Variants in LTBP3 observed in about 807,000 individuals in gnomAD.
LTBP3 encodes the protein latent-transforming growth factor beta-binding protein 3.
A neutral mutation model predicts 159.7 loss-of-function variants in LTBP3; 97 were observed. The ratio of observed to expected loss-of-function variants is 0.61; its 90% CI spans 0.52 to 0.72. The LOEUF is 0.72. Among genes scored for constraint, LTBP3 ranks in the 30% least tolerant of loss-of-function variants. LTBP3 has a pLI of 0.00. For synonymous variants in LTBP3, 824 were observed against 777.1 expected, an observed-to-expected ratio of 1.06 and a Z score of -1.00; for missense variants, 1,584 against 1,864.3, an observed-to-expected ratio of 0.85 and a Z score of 2.77.
intron 1 of LTBP3, among the ~76,000 whole-genome samples, chr11:65,556,689 C>G (rs1856823526): frequency 6.6e-6 from 1 of 152,226 alleles, no homozygotes; most frequent in African/African-American, 2.4e-5. Flanking sequence ...CGCACGCACA[C>G]CCCATCTCAT....
rs747051048 is a variant in LTBP3 at position 65,552,196 on chromosome 11, T to A, written c.1346-39A>T. ...AGCAGACACAAAAGTGAGCATTTCCTGGACAGGTGCATGGACCTATGAACC... is the reference window on the plus strand; with the variant it reads ...AGCAGACACAAAAGTGAGCATTTCCAGGACAGGTGCATGGACCTATGAACC... On this transcript the variant is annotated intron_variant, in intron 7 of 27. Coordinates refer to ENST00000301873, the MANE Select transcript of LTBP3 (RefSeq NM_001130144.3). The surrounding 1 kb of genome is among the most constrained non-coding windows in gnomAD (Gnocchi z 6.0). The A allele has an allele frequency of 1.9e-6, 3 of 1,614,174 alleles. No homozygotes were observed. In the South Asian group the frequency reaches 3.3e-5, roughly 18 times the overall value.
In LTBP3 at chr11:65,553,668, G is replaced by A. The variant is rs2135157901; in HGVS notation, c.864+33C>T. 1 of 1,556,176 alleles carries A rather than the reference G, an allele frequency of 6.4e-7. No homozygotes were observed. Among genetic ancestry groups the A allele is most frequent in the South Asian group, 1.2e-5 (1 of 85,996 alleles). The stretch of plus-strand genomic sequence containing the variant: ...TTGGGGCAGAGCAACCCTGAGAGAA[G>A]GAAAGGCAGATCCCGACTGTGGATT... On this transcript the variant is annotated intron_variant, in intron 3 of 27. Coordinates refer to ENST00000301873, the MANE Select transcript of LTBP3 (RefSeq NM_001130144.3). The surrounding 1 kb of genome is among the most constrained non-coding windows in gnomAD (Gnocchi z 6.5).
rs1311325907 is a variant in LTBP3, at chr11:65,547,833, G to C, written c.1847-12C>G. On this transcript the variant is annotated splice_polypyrimidine_tract_variant and intron_variant, in intron 12 of 27. Transcript: ENST00000301873. This position sits in a 1 kb window ranked among gnomAD's most constrained non-coding sequence, Gnocchi z 4.6. The stretch of plus-strand genomic sequence containing the variant: ...GCACTCGTTCACATCTGAGAAGAAC[G>C]GGTAGGCCAAGAAAAGTCAAAGGAA... 6.2e-6 allele frequency: 10 copies of C among 1,613,154 alleles called. No homozygotes were observed. Among genetic ancestry groups the C allele is most frequent in the Middle Eastern group, 1.6e-4 (1 of 6,084 alleles).
In LTBP3 at chr11:65,547,964, C is replaced by T. The variant is rs757530025; in HGVS notation, c.1802G>A (p.Cys601Tyr). 1 of 1,613,898 alleles carries T rather than the reference C, an allele frequency of 6.2e-7. No homozygotes were observed. Among genetic ancestry groups the T allele is most frequent in the South Asian group, 1.1e-5 (1 of 91,082 alleles). ...VPGPPDYSCHCNPGYRSHPQH... is the reference protein window; with the variant it reads ...VPGPPDYSCHYNPGYRSHPQH... ...GGGATGTGACCGGTAGCCGGGGTTG[C>T]AGTGGCAGGAGTAGTCAGGGGGGCC... The change falls in exon 12 of 28, where the codon TGC becomes TAC. Residue 601 changes from cysteine to tyrosine, a missense_variant. Cys to Tyr is a radical substitution (Grantham distance 194). Transcript: ENST00000301873. This position sits in a 1 kb window ranked among gnomAD's most constrained non-coding sequence, Gnocchi z 4.6.
In LTBP3 at chr11:65,552,500, A is replaced by G; in HGVS notation, c.1187-94T>C. 2 of 1,492,648 alleles carry G rather than the reference A, an allele frequency of 1.3e-6. No individual in the cohort carries two copies. Among genetic ancestry groups the G allele is most frequent in the Non-Finnish European group, 9.1e-7 (1 of 1,095,196 alleles). 92.5% of individuals were successfully genotyped at this position (1,492,648 alleles called of 1,614,324 possible). A position where few individuals can be genotyped will look rare whatever the true frequency, so the allele number is the denominator to read the frequency against. On this transcript the variant is annotated intron_variant, in intron 6 of 27. Coordinates refer to ENST00000301873, the MANE Select transcript of LTBP3 (RefSeq NM_001130144.3). This position sits in a 1 kb window ranked among gnomAD's most constrained non-coding sequence, Gnocchi z 6.0. ...TGCAGACCTTGCCTCTCCGGCCCAG[A>G]CAACCCTTGATCCCCCATGTGGTCT...
intron 1 of LTBP3, among the ~76,000 whole-genome samples, chr11:65,556,063 G>C (rs1285060063): frequency 1.3e-5 from 2 of 152,154 alleles, no homozygotes; most frequent in East Asian, 1.9e-4. Context: ...CCCGCCCACT[G>C]TGGCCTGGGC....
chr11:65,548,419 C>T, intron 11 of LTBP3: 1 of 504,256 alleles, frequency 2.0e-6, no homozygotes, highest in East Asian at 3.5e-5. Context: ...GCCTCAATAC[C>T]TTAAACTCTA....
chr11:65,543,528 C>T lies in LTBP3; in HGVS notation c.2375G>A (p.Gly792Glu). Reference protein sequence around the residue: ...SCLDVDECEAGDVCDNGICSN... With the variant: ...SCLDVDECEAEDVCDNGICSN... ...GCAGATGCCATTGTCACACACGTCC[C>T]CAGCCTCACACTCGTCCACATCTGC... is the stretch of plus-strand genomic sequence containing the variant. Residue 792 changes from glycine to glutamate, a missense_variant, in exon 17 of 28, where the codon GGG (glycine) becomes GAG (glutamate). Gly to Glu is a moderately conservative substitution (Grantham distance 98). Transcript: ENST00000301873. The T allele has an allele frequency of 4.3e-6, 7 of 1,614,070 alleles. No individual in the cohort carries two copies. The highest frequency in any genetic ancestry group is 1.6e-4 in the Middle Eastern group (1 of 6,062).
In LTBP3 at chr11:65,553,761, G is replaced by A. The variant is rs201590889; in HGVS notation, c.804C>T (p.Pro268=). 25,821 of 1,573,436 alleles carry A rather than the reference G, an allele frequency of 0.016. 282 individuals are homozygous for A. The highest frequency in any genetic ancestry group is 0.019 in the Non-Finnish European group (22,762 of 1,167,538). ...HLLPHPKPSH[P]RPPTQKPLGR... Reference sequence around the variant, plus strand: ...CCAGGGGCTTCTGGGTGGGCGGCCGGGGGTGCGAGGGCTTGGGGTGCGGCA... The same window carrying A: ...CCAGGGGCTTCTGGGTGGGCGGCCGAGGGTGCGAGGGCTTGGGGTGCGGCA... The change falls in exon 3 of 28, where the codon CCC becomes CCT. Residue 268 remains proline, a synonymous_variant. Coordinates refer to ENST00000301873, the MANE Select transcript of LTBP3 (RefSeq NM_001130144.3). The surrounding 1 kb of genome is among the most constrained non-coding windows in gnomAD (Gnocchi z 6.5).
At position 65,547,611 on chromosome 11, in the gene LTBP3, G is replaced by A. The variant is rs199667702; in HGVS notation, c.1979-44C>T. 8.9e-5 allele frequency: 143 copies of A among 1,610,998 alleles called. 1 individual carries two copies. In the African/African-American group the frequency reaches 1.7e-3, roughly 19 times the overall value. On this transcript the variant is annotated intron_variant, in intron 13 of 27. Transcript: ENST00000301873. This position sits in a 1 kb window ranked among gnomAD's most constrained non-coding sequence, Gnocchi z 4.6. ...CCACGAAGGGGGTGTAGGAGGCGGC[G>A]GGCAAGGGGAGGGATTACACGGCGG...
rs1394412946 is a variant in LTBP3 at position 65,557,953 on chromosome 11, C to T, written c.7G>A (p.Gly3Arg). 3.4e-6 allele frequency: 4 copies of T among 1,164,746 alleles called. No individual in the cohort carries two copies. Among genetic ancestry groups the T allele is most frequent in the Non-Finnish European group, 4.2e-6 (4 of 947,282 alleles). 72.2% of individuals were successfully genotyped at this position (1,164,746 alleles called of 1,614,324 possible). Reference sequence around the variant, plus strand: ...AGGCCGCCAGCAGCCCCTCGGGGCCCGGGCATCCGGGGCCGCAGGACCCGG... The same window carrying T: ...AGGCCGCCAGCAGCCCCTCGGGGCCTGGGCATCCGGGGCCGCAGGACCCGG... MP[G>R]PRGAAGGLAP... Residue 3 changes from glycine (G) to arginine (R), a missense_variant, in exon 1 of 28, where the codon GGG (glycine) becomes AGG (arginine). Gly to Arg is a moderately radical substitution (Grantham distance 125). Coordinates refer to ENST00000301873, the MANE Select transcript of LTBP3 (RefSeq NM_001130144.3).
chr11:65,539,981 C>A lies in LTBP3; in HGVS notation c.3385+32G>T, dbSNP rs1381475436. ...GGGGGCCACGTGACGGACAGGGCCCCGGGATCGGCCAAGGCCAACCCTCGC... is the reference window on the plus strand; with the variant it reads ...GGGGGCCACGTGACGGACAGGGCCCAGGGATCGGCCAAGGCCAACCCTCGC... On this transcript the variant is annotated intron_variant, in intron 24 of 27. Coordinates refer to ENST00000301873, the MANE Select transcript of LTBP3 (RefSeq NM_001130144.3). 6.2e-6 allele frequency: 9 copies of A among 1,461,090 alleles called. No individual in the cohort carries two copies. The Admixed American group carries it at 1.2e-4, about 20-fold the overall frequency. 90.5% of individuals were successfully genotyped at this position (1,461,090 alleles called of 1,614,324 possible).
chr11:65,541,086 G>T (rs1002746542), intron 20 of LTBP3, 40 bp downstream of exon 20: 8 of 1,599,820 alleles, frequency 5.0e-6, no homozygotes, highest in Non-Finnish European at 6.8e-6. Flanking sequence ...TCCAGATGAA[G>T]AAACTGAAGA....
At chr11:65,540,703 C>CGGGCGGGGCCTCCAGGAG in intron 21 of LTBP3, 89 bp from the exon 22 acceptor site, 1 of 1,243,476 alleles carries the variant, frequency 8.0e-7, no homozygotes, top group Non-Finnish European at 1.1e-6. Flanking sequence ...AAGCCATCCC[C>CGGGCGGGGCCTCCAGGAG]GGGCGGGGCC....
In LTBP3 at chr11:65,539,808, G is replaced by A. The variant is rs767143287; in HGVS notation, c.3459C>T (p.Ala1153=). The part of the protein sequence containing the change: ...GEDGMCAGPL[A]GPALTFDDCC... ...AGTCGTCGAAGGTGAGGGCAGGCCC[G>A]GCCAGGGGGCCAGCGCACATGCCGT... is the stretch of plus-strand genomic sequence containing the variant. Residue 1153 remains alanine, a synonymous_variant, in exon 25 of 28, where the codon GCC becomes GCT. Transcript: ENST00000301873. 1.6e-5 allele frequency: 24 copies of A among 1,534,610 alleles called. 1 individual carries two copies. The South Asian group carries it at 2.6e-4, about 17-fold the overall frequency.
rs1331670542 is a variant in LTBP3 at position 65,553,892 on chromosome 11, G to A, written c.673C>T (p.Pro225Ser). Residue 225 changes from proline (P) to serine (S), a missense_variant, in exon 3 of 28, where the codon CCC (proline) becomes TCC (serine). By Grantham distance (74) the Pro-to-Ser change is moderately conservative (BLOSUM62 -1). Around this residue, in one of 6 missense-constraint regions of LTBP3, gnomAD observed 194 missense variants for 198.7 expected, o/e 0.98. Coordinates refer to ENST00000301873, the MANE Select transcript of LTBP3 (RefSeq NM_001130144.3). This position sits in a 1 kb window ranked among gnomAD's most constrained non-coding sequence, Gnocchi z 6.5. ...TGGACGCGCACATTCACCACGGGGGGCGGGGCCTGCACTGGGGGCGGGCGC... is the reference window on the plus strand; with the variant it reads ...TGGACGCGCACATTCACCACGGGGGACGGGGCCTGCACTGGGGGCGGGCGC... ...GQISAEVQAP[P>S]PVVNVRVHHP... The A allele has an allele frequency of 1.9e-6, 3 of 1,548,256 alleles. No individual in the cohort carries two copies. Among genetic ancestry groups the A allele is most frequent in the Admixed American group, 3.8e-5 (2 of 53,052 alleles).
Position 65,552,117 on chromosome 11 carries a change from G to A in LTBP3, c.1386C>T (p.His462=), listed in dbSNP as rs1357538729. 3 of 1,614,056 alleles carry A rather than the reference G, an allele frequency of 1.9e-6. No individual in the cohort carries two copies. In the Admixed American group the frequency reaches 5.0e-5, roughly 27 times the overall value. ...TGAGCGTCTGGTGGGAGGTGAGAAT[G>A]TGGTATCCCTTCCCAGCTGGGCAGA... ...KEICPAGKGY[H]ILTSHQTLTI... is the part of the protein sequence containing the mutation. Residue 462 remains histidine (H), a synonymous_variant, in exon 8 of 28, where the codon CAC becomes CAT. Transcript: ENST00000301873. This position sits in a 1 kb window ranked among gnomAD's most constrained non-coding sequence, Gnocchi z 6.0.
rs771386481 is a variant in LTBP3 at position 65,553,288 on chromosome 11, G to A, written c.971-32C>T. ...AGAGAGGATAGCTTGGCAGGGGAGG[G>A]TGAGGAGGGAACTGGGGAGGGGCAC... On this transcript the variant is annotated intron_variant, in intron 4 of 27. Coordinates refer to ENST00000301873, the MANE Select transcript of LTBP3 (RefSeq NM_001130144.3). The surrounding 1 kb of genome is among the most constrained non-coding windows in gnomAD (Gnocchi z 6.5). 55 of 1,591,538 alleles carry A rather than the reference G, an allele frequency of 3.5e-5. No individual in the cohort carries two copies. Among genetic ancestry groups the A allele is most frequent in the Non-Finnish European group, 4.5e-5 (52 of 1,160,406 alleles).
At chr11:65,545,460 A>T in intron 16 of LTBP3, 1 of 231,616 alleles carries the variant, frequency 4.3e-6, no homozygotes, top group East Asian at 6.1e-5. Flanking sequence ...TTCCCTCCCA[A>T]ACATGCCCAC....
Sources: gnomAD v4.1 joint callset for allele counts (sites outside exome capture counted in the v4.1 genomes callset) on GRCh38, gnomAD v4.1.1 for gene constraint, gnomAD v4.1.1 regional missense constraint, Gnocchi (gnomAD v3.1) non-coding constraint, MANE v1.5 for transcripts, NCBI Gene and HGNC (gene_info 2026-07-23, HGNC 2026-07-21) for gene names.